PTPRD: variants seen among roughly 807,000 people sequenced by gnomAD.
PTPRD encodes the protein receptor-type tyrosine-protein phosphatase delta.
A neutral mutation model predicts 214.5 loss-of-function variants in PTPRD; 34 were observed. The observed-to-expected ratio is 0.16, with a 90% CI of 0.12 to 0.21. The LOEUF is 0.21. PTPRD is among the 10% of genes least tolerant of loss of function. The pLI is 1.00. For missense variants in PTPRD, 2,545 were observed against 2,398.7 expected, an observed-to-expected ratio of 1.06 and a Z score of -1.27; for synonymous variants, 1,128 against 845.7, an observed-to-expected ratio of 1.33 and a Z score of -5.79.
chr9:8,358,156 G>A (rs2133718008), intron 39 of PTPRD, among the ~76,000 whole-genome samples: 1 of 152,238 alleles, frequency 6.6e-6, no homozygotes, highest in Admixed American at 6.5e-5. Context: ...GATGCAATGT[G>A]ACCTCATAGA....
intron 5 of PTPRD, among the ~76,000 whole-genome samples, chr9:9,841,190 G>T (rs533531565): frequency 2.0e-5 from 3 of 152,230 alleles, no homozygotes; most frequent in African/African-American, 7.2e-5. Flanking sequence ...AATCATACTG[G>T]GGGATAGGAG....
At chr9:9,511,019 G>A (rs976478398) in intron 8 of PTPRD, among the ~76,000 whole-genome samples, 2 of 151,668 alleles carry the variant, frequency 1.3e-5, no homozygotes, top group African/African-American at 2.4e-5. Context: ...ATGAAGTCGA[G>A]CAAAATATCC....
chr9:10,246,288 G>T (rs903023443), intron 3 of PTPRD, among the ~76,000 whole-genome samples: 2 of 152,196 alleles, frequency 1.3e-5, no homozygotes, highest in African/African-American at 2.4e-5. Context: ...TTGTTGCCCC[G>T]GCTGGAGTGC....
At chr9:9,068,368 T>C (rs1200803441) in intron 10 of PTPRD, among the ~76,000 whole-genome samples, 1 of 152,224 alleles carries the variant, frequency 6.6e-6, no homozygotes, top group East Asian at 1.9e-4. Context: ...TGCCCATGAA[T>C]GCAATTACTG....
chr9:9,328,088 T>G (rs376922809), intron 9 of PTPRD, among the ~76,000 whole-genome samples: 7 of 152,280 alleles, frequency 4.6e-5, no homozygotes, highest in African/African-American at 9.6e-5. Context: ...TGATTCCATT[T>G]AAAATTACTC....
intron 7 of PTPRD, among the ~76,000 whole-genome samples, chr9:9,585,344 T>C (rs1482101135): frequency 6.6e-6 from 1 of 152,122 alleles, no homozygotes; most frequent in Non-Finnish European, 1.5e-5. Context: ...TGTGAACTTG[T>C]ACTTAGACAC....
intron 8 of PTPRD, among the ~76,000 whole-genome samples, chr9:9,516,094 A>G (rs1441719837): frequency 6.6e-6 from 1 of 152,154 alleles, no homozygotes; most frequent in African/African-American, 2.4e-5. Context: ...AATTTTGAGT[A>G]TACTCTAACT....
chr9:9,806,895 G>A (rs901716131), intron 5 of PTPRD, among the ~76,000 whole-genome samples: 2 of 152,100 alleles, frequency 1.3e-5, no homozygotes, highest in Non-Finnish European at 2.9e-5. Context: ...TAAACACACT[G>A]CACTTGTGGC....
At chr9:8,713,476 A>G in intron 12 of PTPRD, 1 of 1,124,196 alleles carries the variant, frequency 8.9e-7, no homozygotes, top group East Asian at 2.4e-5. Flanking sequence ...GAAAATGAAG[A>G]AGTCTTCAGG....
intron 7 of PTPRD, among the ~76,000 whole-genome samples, chr9:9,581,653 G>A (rs959237905): frequency 8.5e-5 from 13 of 152,166 alleles, no homozygotes; most frequent in African/African-American, 2.9e-4. Context: ...AATACCCCGT[G>A]TTTAGGTGTT....
intron 11 of PTPRD, among the ~76,000 whole-genome samples, chr9:8,925,863 T>TTTTTC: frequency 6.6e-6 from 1 of 150,690 alleles, no homozygotes; most frequent in East Asian, 1.9e-4. Flanking sequence ...GCAATATTTT[T>TTTTTC]TTTTTTTTTT....
intron 2 of PTPRD, among the ~76,000 whole-genome samples, chr9:10,357,889 A>T (rs1216842135): frequency 6.6e-6 from 1 of 152,186 alleles, no homozygotes; most frequent in Non-Finnish European, 1.5e-5. Flanking sequence ...AAGAAAAAGA[A>T]TTATATAAAC....
At chr9:9,061,757 G>A (rs939350727) in intron 10 of PTPRD, among the ~76,000 whole-genome samples, 8 of 152,026 alleles carry the variant, frequency 5.3e-5, no homozygotes, top group African/African-American at 1.9e-4. Flanking sequence ...GAGGGCCTTG[G>A]GACCCAGTGG....
chr9:8,616,879 G>A lies in PTPRD; in HGVS notation c.352+16438C>T, dbSNP rs963371281. The stretch of plus-strand genomic sequence containing the variant: ...GCTGAAGTGATTATGCCCTCCATGA[G>A]AGGCTAAGCTGAAACTCATCCAGAC... On this transcript the variant is annotated intron_variant, in intron 14 of 45. Coordinates refer to ENST00000381196, the MANE Select transcript of PTPRD (RefSeq NM_002839.4). Among the ~76,000 whole-genome samples, 7 of 152,110 alleles carry A rather than the reference G, an allele frequency of 4.6e-5. No individual in the cohort carries two copies. The East Asian group carries it at 9.7e-4, about 21-fold the overall frequency.
intron 3 of PTPRD, among the ~76,000 whole-genome samples, chr9:10,109,341 G>C (rs1425786653): frequency 6.6e-6 from 1 of 152,132 alleles, no homozygotes; most frequent in African/African-American, 2.4e-5. Flanking sequence ...AAATTGGCTG[G>C]CTAGTAGATA....
intron 11 of PTPRD, among the ~76,000 whole-genome samples, chr9:8,838,503 A>C (rs2097487185): frequency 6.6e-6 from 1 of 152,110 alleles, no homozygotes; most frequent in Admixed American, 6.5e-5. Flanking sequence ...AAATTAACTT[A>C]TTGGAGGTAT....
chr9:9,151,098 G>A (rs1457538102), intron 10 of PTPRD, among the ~76,000 whole-genome samples: 1 of 152,164 alleles, frequency 6.6e-6, no homozygotes, highest in Non-Finnish European at 1.5e-5. Flanking sequence ...TATATTTAGG[G>A]GTAGGAATGG....
chr9:9,691,210 C>T (rs568987558), intron 7 of PTPRD, among the ~76,000 whole-genome samples: 18 of 151,864 alleles, frequency 1.2e-4, no homozygotes, highest in East Asian at 3.9e-4. Flanking sequence ...CAATAGTCCC[C>T]GTTTTGTGAA....
chr9:8,671,734 G>A (rs1221942251), intron 12 of PTPRD, among the ~76,000 whole-genome samples: 1 of 152,140 alleles, frequency 6.6e-6, no homozygotes, highest in Non-Finnish European at 1.5e-5. Context: ...ATTGCTTGAA[G>A]AGACTGCTGC....
Sources: allele counts gnomAD v4.1 joint callset (sites outside exome capture counted in the v4.1 genomes callset), GRCh38; gene constraint gnomAD v4.1.1; transcripts MANE v1.5; gene names NCBI Gene and HGNC (gene_info 2026-07-23, HGNC 2026-07-21).